CAST: variants seen among roughly 807,000 people sequenced by gnomAD.
The protein encoded by CAST is calpastatin.
CAST carries 76 observed loss-of-function variants against 119.6 expected under a neutral mutation model. That is an observed-to-expected ratio of 0.64 (90% CI 0.53 to 0.77). CAST has a LOEUF of 0.77. CAST is among the 30% of genes least tolerant of loss of function. CAST has a pLI of 0.00. For missense variants in CAST, 953 were observed against 946.5 expected (o/e 1.01, Z -0.09); for synonymous variants, 319 against 331.6 (o/e 0.96, Z 0.41).
At chr5:96,606,975 T>C (rs1266490215) in intron 1 of CAST, among the ~76,000 whole-genome samples, 1 of 152,204 alleles carries the variant, frequency 6.6e-6, no homozygotes, top group African/African-American at 2.4e-5. Flanking sequence ...CAGATGAATC[T>C]GATGTGTGCT....
At chr5:95,992,408 T>C in the CAST span, among the ~76,000 whole-genome samples, 1 of 147,874 alleles carries the variant, frequency 6.8e-6, no homozygotes, top group Non-Finnish European at 1.5e-5. Context: ...TCTCTATGCT[T>C]TTTTTTTTTT....
chr5:96,605,288 C>A (rs138782770), intron 1 of CAST, among the ~76,000 whole-genome samples: 1 of 152,314 alleles, frequency 6.6e-6, no homozygotes, highest in African/African-American at 2.4e-5. Context: ...TCACAGACTG[C>A]ATACTGTATA....
chr5:96,241,106 C>T, the CAST span, among the ~76,000 whole-genome samples: 1 of 151,728 alleles, frequency 6.6e-6, no homozygotes, highest in Non-Finnish European at 1.5e-5. Context: ...TACATGTGCA[C>T]AATGTGCAGG....
At chr5:96,253,394 G>A in the CAST span, among the ~76,000 whole-genome samples, 6 of 152,092 alleles carry the variant, frequency 3.9e-5, no homozygotes, top group African/African-American at 1.4e-4. Flanking sequence ...TAAAATCTCT[G>A]GGGGTGGGAC....
chr5:95,967,068 A>C, the CAST span, among the ~76,000 whole-genome samples: 94 of 152,196 alleles, frequency 6.2e-4, no homozygotes, highest in Non-Finnish European at 8.1e-4. Flanking sequence ...GAGTGACCTA[A>C]CAACTCTTAC....
chr5:96,494,106 A>G, the CAST span, among the ~76,000 whole-genome samples: 2 of 152,226 alleles, frequency 1.3e-5, no homozygotes, highest in African/African-American at 2.4e-5. Flanking sequence ...GGTAAAGGAC[A>G]GAGAAGAGTT....
At chr5:96,268,546 C>T in the CAST span, among the ~76,000 whole-genome samples, 182 of 152,140 alleles carry the variant, frequency 1.2e-3, no homozygotes, top group African/African-American at 4.3e-3. Context: ...CCACTGCACT[C>T]CATTTCACCA....
At chr5:96,068,997 A>G in the CAST span, among the ~76,000 whole-genome samples, 1 of 151,304 alleles carries the variant, frequency 6.6e-6, no homozygotes, top group Non-Finnish European at 1.5e-5. Flanking sequence ...GGATGTATAT[A>G]TGTATATATG....
intron 1 of CAST, among the ~76,000 whole-genome samples, chr5:96,632,674 T>TAGTCAAAA (rs142971427): frequency 1.3e-5 from 2 of 151,876 alleles, no homozygotes; most frequent in Non-Finnish European, 1.5e-5. Flanking sequence ...CTCAGCGCTA[T>TAGTCAAAA]TTGTCGAAAA....
At chr5:96,385,978 C>CTTAA in the CAST span, among the ~76,000 whole-genome samples, 2 of 152,314 alleles carry the variant, frequency 1.3e-5, no homozygotes, top group Middle Eastern at 6.8e-3. Flanking sequence ...TCTGCATGAC[C>CTTAA]TTAAGCAAGT....
the CAST span, among the ~76,000 whole-genome samples, chr5:96,018,664 T>A: frequency 6.6e-6 from 1 of 152,198 alleles, no homozygotes; most frequent in Non-Finnish European, 1.5e-5. Flanking sequence ...GAACACTTTT[T>A]CAAGTAGAGA....
At chr5:96,059,247 G>A in the CAST span, among the ~76,000 whole-genome samples, 2 of 152,096 alleles carry the variant, frequency 1.3e-5, no homozygotes, top group Non-Finnish European at 2.9e-5. Context: ...CAAGGAAAGG[G>A]ACTAAGCCAT....
upstream of CAST, among the ~76,000 whole-genome samples, chr5:96,657,530 T>C (rs1264034249): frequency 1.3e-5 from 2 of 152,166 alleles, no homozygotes; most frequent in Non-Finnish European, 2.9e-5. Context: ...GACAAGAATA[T>C]GATAATTCTT....
upstream of CAST, among the ~76,000 whole-genome samples, chr5:96,520,675 G>T (rs1745502833): frequency 6.6e-6 from 1 of 152,084 alleles, no homozygotes; most frequent in Non-Finnish European, 1.5e-5. Flanking sequence ...TTAGATTCTG[G>T]TTTTTCCCCC....
the CAST span, among the ~76,000 whole-genome samples, chr5:96,347,336 A>G: frequency 3.9e-5 from 6 of 152,120 alleles, no homozygotes; most frequent in Non-Finnish European, 5.9e-5. Flanking sequence ...CAATCTTCCA[A>G]TCCAAATAGT....
intron 1 of CAST, among the ~76,000 whole-genome samples, chr5:96,608,328 T>C (rs1272964764): frequency 6.6e-6 from 1 of 152,206 alleles, no homozygotes; most frequent in Non-Finnish European, 1.5e-5. Context: ...CTTAGGCAAA[T>C]GGCAAATGGC....
At chr5:96,696,166 A>G (rs1170773177) in intron 3 of CAST, 4 of 224,518 alleles carry the variant, frequency 1.8e-5, no homozygotes, top group Non-Finnish European at 3.5e-5. Context: ...TATGATGACT[A>G]TCTGCAGATA....
chr5:96,550,030 C>T (rs1746096357), intron 1 of CAST, among the ~76,000 whole-genome samples: 2 of 152,216 alleles, frequency 1.3e-5, no homozygotes, highest in Admixed American at 6.5e-5. Flanking sequence ...AACGTCCCTG[C>T]CCGACAGCTC....
chr5:96,727,294 T>C (rs1466553339), intron 5 of CAST, among the ~76,000 whole-genome samples, 195 bp from the exon 6 acceptor site: 1 of 152,210 alleles, frequency 6.6e-6, no homozygotes, highest in Non-Finnish European at 1.5e-5. Context: ...TATTAACTAG[T>C]ATACCTAATT....
Sources: gnomAD v4.1 joint callset for allele counts (sites outside exome capture counted in the v4.1 genomes callset) on GRCh38, gnomAD v4.1.1 for gene constraint, MANE v1.5 for transcripts, NCBI Gene and HGNC (gene_info 2026-07-23, HGNC 2026-07-21) for gene names.